ADGRG6: variants seen among roughly 807,000 people sequenced by gnomAD.
ADGRG6 encodes the protein G-protein coupled receptor 126.
Under a neutral mutation model 142.4 loss-of-function variants are expected in ADGRG6, and 84 were observed. The ratio of observed to expected loss-of-function variants is 0.59; its 90% CI spans 0.49 to 0.71. ADGRG6 has a LOEUF of 0.71. Ranked by LOEUF, ADGRG6 falls within the 30% of genes least tolerant of loss-of-function variation. ADGRG6 has a pLI of 0.00. For synonymous variants in ADGRG6, 521 were observed against 520.5 expected (o/e 1.00, Z -0.01); for missense variants, 1,367 against 1,466.6 (o/e 0.93, Z 1.11).
At chr6:142,347,275 A>G (rs183278101) in intron 2 of ADGRG6, among the ~76,000 whole-genome samples, 5 of 152,276 alleles carry the variant, frequency 3.3e-5, no homozygotes, top group Non-Finnish European at 7.4e-5. Context: ...GTTGTCTGCC[A>G]TCCACGTCAG....
Position 142,374,548 on chromosome 6 carries a change from C to A in ADGRG6, c.1069+3755C>A, listed in dbSNP as rs546310926. Among the ~76,000 whole-genome samples the A allele has an allele frequency of 1.8e-3, 277 of 152,298 alleles. 1 individual carries two copies. The highest frequency in any genetic ancestry group is 2.9e-3 in the Non-Finnish European group (194 of 68,014). ...CTTCCCAGTTTACTTTAGCCCTTAG[C>A]AACCCCTTATTCTTCCCACTCCAGC... On this transcript the variant is annotated intron_variant, in intron 4 of 24. Coordinates refer to ENST00000367609, the MANE Select transcript of ADGRG6 (RefSeq NM_198569.3).
chr6:142,347,509 C>G (rs1243339324), intron 2 of ADGRG6, among the ~76,000 whole-genome samples: 1 of 152,080 alleles, frequency 6.6e-6, no homozygotes, highest in South Asian at 2.1e-4. Flanking sequence ...TGTTTAATCT[C>G]ATCAAACCAA....
intron 1 of ADGRG6, among the ~76,000 whole-genome samples, chr6:142,309,133 CA>C (rs1365233921): frequency 6.6e-6 from 1 of 151,830 alleles, no homozygotes; most frequent in African/African-American, 2.4e-5. Flanking sequence ...CATTTCCTTA[CA>C]ATCTGAATTT....
intron 2 of ADGRG6, among the ~76,000 whole-genome samples, chr6:142,343,885 T>C (rs192241564): frequency 1.3e-5 from 2 of 152,058 alleles, no homozygotes; most frequent in Non-Finnish European, 2.9e-5. Context: ...GATTGAAACA[T>C]TAAGACTTAG....
At chr6:142,428,524 G>C (rs1224536598) in intron 22 of ADGRG6, among the ~76,000 whole-genome samples, 2 of 152,102 alleles carry the variant, frequency 1.3e-5, no homozygotes, top group Admixed American at 6.6e-5. Flanking sequence ...CCTTGAGACT[G>C]GGTAATTTAT....
intron 24 of ADGRG6, among the ~76,000 whole-genome samples, chr6:142,439,402 A>G (rs1777635738): frequency 6.6e-6 from 1 of 152,212 alleles, no homozygotes; most frequent in Admixed American, 6.5e-5. Flanking sequence ...GAAGATTAAT[A>G]CTTGGCTTTT....
At chr6:142,438,524 A>G (rs915322779) in intron 24 of ADGRG6, among the ~76,000 whole-genome samples, 160 bp downstream of exon 24, 1 of 152,174 alleles carries the variant, frequency 6.6e-6, no homozygotes, top group East Asian at 1.9e-4. Flanking sequence ...ACCTTTATGA[A>G]TATTTTGTCC....
chr6:142,371,484 GT>G (rs1273994234), intron 4 of ADGRG6, among the ~76,000 whole-genome samples: 107 of 93,212 alleles, frequency 1.1e-3, no homozygotes, highest in East Asian at 3.4e-3. Context: ...GTTTTTTTTT[GT>G]TTTTTTTTTT....
chr6:142,420,467 T>C (rs1028587038), intron 22 of ADGRG6, among the ~76,000 whole-genome samples: 1 of 152,132 alleles, frequency 6.6e-6, no homozygotes, highest in Non-Finnish European at 1.5e-5. Context: ...CTTCACAGTT[T>C]TGCTGAATGT....
chr6:142,365,216 A>G (rs1323674188), intron 2 of ADGRG6, among the ~76,000 whole-genome samples: 1 of 152,194 alleles, frequency 6.6e-6, no homozygotes. Flanking sequence ...TGTGAGTGAT[A>G]TAATTGGAAG....
chr6:142,375,453 A>G (rs375080770), intron 4 of ADGRG6, among the ~76,000 whole-genome samples: 1 of 152,164 alleles, frequency 6.6e-6, no homozygotes, highest in Non-Finnish European at 1.5e-5. Flanking sequence ...CTGCTGCTTA[A>G]TCATCAGCTT....
At chr6:142,342,701 A>C (rs1779715962) in intron 2 of ADGRG6, among the ~76,000 whole-genome samples, 1 of 152,110 alleles carries the variant, frequency 6.6e-6, no homozygotes, top group Non-Finnish European at 1.5e-5. Context: ...TTAAAAAATT[A>C]CCAAAAGTAC....
At chr6:142,409,993 C>G in intron 17 of ADGRG6, 74 bp downstream of exon 17, 1 of 619,312 alleles carries the variant, frequency 1.6e-6, no homozygotes, top group Non-Finnish European at 2.8e-6. Context: ...ACCCCCATTT[C>G]CTTTAATTCC....
chr6:142,405,888 A>G (rs1360322872), intron 15 of ADGRG6, 60 bp downstream of exon 15: 3 of 1,247,678 alleles, frequency 2.4e-6, no homozygotes, highest in Non-Finnish European at 3.3e-6. Context: ...TTGAGCAAAG[A>G]AAACAAAACT....
chr6:142,386,772 G>A (rs779833297), intron 6 of ADGRG6, among the ~76,000 whole-genome samples: 2 of 152,170 alleles, frequency 1.3e-5, no homozygotes, highest in South Asian at 4.1e-4. Flanking sequence ...GGTGGCTGGA[G>A]CCATCTGGGC....
At chr6:142,390,428 A>T (rs1774829440) in intron 7 of ADGRG6, 85 bp downstream of exon 7, 1 of 692,254 alleles carries the variant, frequency 1.4e-6, no homozygotes, top group Non-Finnish European at 2.6e-6. Flanking sequence ...GAATCCACAG[A>T]TCATACTGAA....
chr6:142,302,241 T>A lies in ADGRG6; in HGVS notation c.-89T>A. 2 of 1,509,084 alleles carry A rather than the reference T, an allele frequency of 1.3e-6. No homozygotes were observed. The highest frequency in any genetic ancestry group is 1.8e-6 in the Non-Finnish European group (2 of 1,104,960). 93.5% of individuals were successfully genotyped at this position (1,509,084 alleles called of 1,614,324 possible). ...CGGCGCAGGGCTGGGGCGCCTGGGT[T>A]CCCCCTGGGTGGAGCAGCGGCAGCA... On this transcript the variant is annotated 5_prime_UTR_variant, in exon 1 of 25. Coordinates refer to ENST00000367609, the MANE Select transcript of ADGRG6 (RefSeq NM_198569.3).
intron 22 of ADGRG6, among the ~76,000 whole-genome samples, chr6:142,435,963 C>T (rs1777466665): frequency 6.6e-6 from 1 of 152,012 alleles, no homozygotes; most frequent in South Asian, 2.1e-4. Flanking sequence ...CTGGAATGAG[C>T]TGGACACATT....
At chr6:142,324,878 A>T (rs1582983134) in intron 2 of ADGRG6, among the ~76,000 whole-genome samples, 1 of 152,128 alleles carries the variant, frequency 6.6e-6, no homozygotes, top group Non-Finnish European at 1.5e-5. Context: ...AAGAAAGTAT[A>T]GGTACTGCAA....
Sources: allele counts gnomAD v4.1 joint callset (sites outside exome capture counted in the v4.1 genomes callset), GRCh38; gene constraint gnomAD v4.1.1; transcripts MANE v1.5; gene names NCBI Gene and HGNC (gene_info 2026-07-23, HGNC 2026-07-21).